Variants in SRRM4 observed in about 807,000 individuals in gnomAD.
The protein encoded by SRRM4 is serine/arginine repetitive matrix protein 4.
A neutral mutation model predicts 68.9 loss-of-function variants in SRRM4; 33 were observed. The ratio of observed to expected loss-of-function variants is 0.48; its 90% CI spans 0.36 to 0.64. The LOEUF is 0.64. Ranked by LOEUF, SRRM4 falls within the 30% of genes least tolerant of loss-of-function variation. The pLI, the probability that SRRM4 is intolerant of heterozygous loss-of-function variation, is 0.00. For synonymous variants in SRRM4, 318 were observed against 318.8 expected, an observed-to-expected ratio of 1.00 and a Z score of 0.03; for missense variants, 817 against 827.1, an observed-to-expected ratio of 0.99 and a Z score of 0.15.
At chr12:119,025,183 T>A (rs1040739001) in intron 1 of SRRM4, among the ~76,000 whole-genome samples, 13 of 151,730 alleles carry the variant, frequency 8.6e-5, no homozygotes, top group Non-Finnish European at 7.4e-5. Context: ...AGAAAGAACA[T>A]TTACATTGAG....
At chr12:119,046,440 T>A (rs1953707722) in intron 1 of SRRM4, among the ~76,000 whole-genome samples, 1 of 152,180 alleles carries the variant, frequency 6.6e-6, no homozygotes, top group Admixed American at 6.5e-5. Context: ...TTTTGGGTTG[T>A]TAGTGGGCCC....
At chr12:119,133,596 G>T (rs11064677) in intron 8 of SRRM4, among the ~76,000 whole-genome samples, 1 of 151,884 alleles carries the variant, frequency 6.6e-6, no homozygotes, top group South Asian at 2.1e-4. Context: ...GCCCTTTCTC[G>T]TCTTCTCTAT....
intron 6 of SRRM4, among the ~76,000 whole-genome samples, chr12:119,123,324 C>T (rs986219574): frequency 1.1e-4 from 16 of 152,102 alleles, no homozygotes; most frequent in African/African-American, 3.9e-4. Context: ...TCCTCATCAT[C>T]GAATTTGTTC....
chr12:119,070,866 G>T (rs190331284), intron 1 of SRRM4, among the ~76,000 whole-genome samples: 1 of 152,260 alleles, frequency 6.6e-6, no homozygotes, highest in East Asian at 1.9e-4. Context: ...AGGGTCCTAG[G>T]ACTTGTCCTC....
chr12:118,990,960 A>G (rs1269297714), intron 1 of SRRM4, among the ~76,000 whole-genome samples: 2 of 151,894 alleles, frequency 1.3e-5, no homozygotes, highest in African/African-American at 4.8e-5. Flanking sequence ...CCCACCCCGC[A>G]CCCAGCTAAT....
Position 119,161,939 on chromosome 12 carries a change from G to T in SRRM4, c.*5141G>T, listed in dbSNP as rs2136073952. 6.6e-6 allele frequency: 1 copy of T among 151,118 alleles called. No individual in the cohort carries two copies. Among genetic ancestry groups the T allele is most frequent in the Non-Finnish European group, 1.5e-5 (1 of 67,840 alleles). The allele number at this position is 151,118 out of a possible 1,614,324, so 9.4% of individuals were successfully genotyped here. A position where few individuals can be genotyped will look rare whatever the true frequency, so the allele number is the denominator to read the frequency against. On this transcript the variant is annotated 3_prime_UTR_variant, in exon 13 of 13. Coordinates refer to ENST00000267260, the MANE Select transcript of SRRM4 (RefSeq NM_194286.4). ...TCTTTTTTTTTTCTGGCCAAGGAAA[G>T]CTATGCCTCATCTTCTAACGAGCCA...
In SRRM4 at chr12:119,023,372, A is replaced by T. The variant is rs528558183; in HGVS notation, c.131+41359A>T. Among the ~76,000 whole-genome samples, 11 of 152,322 alleles carry T rather than the reference A, an allele frequency of 7.2e-5. No individual in the cohort carries two copies. The South Asian group carries it at 1.0e-3, about 14-fold the overall frequency. On this transcript the variant is annotated intron_variant, in intron 1 of 12. Transcript: ENST00000267260. ...CTGAGAGGGACAGTTAGTTCTGTTT[A>T]TCCTTTCTTCCTCCTCGACCTAGTT... is the stretch of plus-strand genomic sequence containing the variant.
At chr12:119,128,098 A>G (rs760952730) in intron 7 of SRRM4, among the ~76,000 whole-genome samples, 28 of 152,160 alleles carry the variant, frequency 1.8e-4, no homozygotes, top group African/African-American at 6.8e-4. Flanking sequence ...GGTACCTACT[A>G]TCACAATTAG....
chr12:119,153,750 C>T lies in SRRM4; in HGVS notation c.1391+101C>T, dbSNP rs190155542. 1.8e-3 allele frequency: 1,519 copies of T among 839,556 alleles called. 16 individuals are homozygous for T. Among genetic ancestry groups the T allele is most frequent in the Admixed American group, 0.017 (794 of 46,702 alleles). The allele number at this position is 839,556 out of a possible 1,614,324, so 52.0% of individuals were successfully genotyped here. ...CTCCCCGTTCTCGGGCCTTCTTCCT[C>T]TTAGGTCTGACCCTGACTCAGCATT... On this transcript the variant is annotated intron_variant, in intron 11 of 12. Transcript: ENST00000267260.
At chr12:119,026,499 C>A (rs1227563459) in intron 1 of SRRM4, among the ~76,000 whole-genome samples, 1 of 151,882 alleles carries the variant, frequency 6.6e-6, no homozygotes, top group African/African-American at 2.4e-5. Flanking sequence ...CATTTTATCA[C>A]CACAAATATC....
At chr12:119,151,924 G>A (rs1565920290) in intron 10 of SRRM4, among the ~76,000 whole-genome samples, 1 of 152,266 alleles carries the variant, frequency 6.6e-6, no homozygotes, top group East Asian at 1.9e-4. Flanking sequence ...CAGATTCAAG[G>A]GTATTCCTCT....
chr12:119,147,439 T>C (rs1954411085), intron 9 of SRRM4, among the ~76,000 whole-genome samples: 1 of 152,204 alleles, frequency 6.6e-6, no homozygotes, highest in Non-Finnish European at 1.5e-5. Flanking sequence ...ACCAAGAGGG[T>C]ACTCTGATGT....
intron 3 of SRRM4, among the ~76,000 whole-genome samples, chr12:119,115,191 C>T (rs1018587797): frequency 6.6e-6 from 1 of 152,058 alleles, no homozygotes; most frequent in Non-Finnish European, 1.5e-5. Flanking sequence ...CTACGACGCC[C>T]ACCTAACTAG....
At position 119,151,034 on chromosome 12, in the gene SRRM4, G is replaced by A. The variant is rs1382196674; in HGVS notation, c.1094G>A (p.Cys365Tyr). 1.9e-6 allele frequency: 3 copies of A among 1,613,852 alleles called. No homozygotes were observed. Among genetic ancestry groups the A allele is most frequent in the African/African-American group, 2.7e-5 (2 of 74,918 alleles). ...GRESRGFQSP[C>Y]LECAEVKKSS... Reference sequence around the variant, plus strand: ...ACCTGCAGGGGATTTCAGTCACCGTGTCTGGAATGTGCCGAAGTGAAGAAG... The same window carrying A: ...ACCTGCAGGGGATTTCAGTCACCGTATCTGGAATGTGCCGAAGTGAAGAAG... Residue 365 changes from cysteine to tyrosine, a missense_variant, in exon 10 of 13, where the codon TGT becomes TAT. By Grantham distance (194) the Cys-to-Tyr change is radical. Coordinates refer to ENST00000267260, the MANE Select transcript of SRRM4 (RefSeq NM_194286.4).
intron 1 of SRRM4, among the ~76,000 whole-genome samples, chr12:119,075,134 A>G (rs1297627097): frequency 6.6e-6 from 1 of 152,202 alleles, no homozygotes; most frequent in Non-Finnish European, 1.5e-5. Context: ...ACCATCCCTA[A>G]GCTCCAATTG....
At position 119,157,087 on chromosome 12, in the gene SRRM4, G is replaced by T. The variant is rs1954479048; in HGVS notation, c.*289G>T. ...AAAGAAAAGAAAACTTCAAGGTTTT[G>T]TGAGAAGCAATGGGTCTGTGACTCA... is the stretch of plus-strand genomic sequence containing the variant. On this transcript the variant is annotated 3_prime_UTR_variant, in exon 13 of 13. Transcript: ENST00000267260. The surrounding 1 kb of genome is among the most constrained non-coding windows in gnomAD (Gnocchi z 4.1). The T allele has an allele frequency of 2.4e-6, 1 of 419,328 alleles. No homozygotes were observed. Among genetic ancestry groups the T allele is most frequent in the Non-Finnish European group, 4.2e-6 (1 of 239,584 alleles). The allele number at this position is 419,328 out of a possible 1,614,324, so 26.0% of individuals were successfully genotyped here.
intron 10 of SRRM4, among the ~76,000 whole-genome samples, chr12:119,152,866 A>T (rs1954448299): frequency 6.6e-6 from 1 of 152,260 alleles, no homozygotes; most frequent in Non-Finnish European, 1.5e-5. Context: ...TTAGTCATGT[A>T]GATGCACAAC....
intron 2 of SRRM4, among the ~76,000 whole-genome samples, chr12:119,110,206 C>T (rs1954133735): frequency 6.6e-6 from 1 of 152,256 alleles, no homozygotes; most frequent in Middle Eastern, 3.4e-3. Context: ...CAGAGGGGCA[C>T]CTGGCCATAT....
chr12:119,085,950 C>T (rs1191286301), intron 1 of SRRM4, among the ~76,000 whole-genome samples: 3 of 152,064 alleles, frequency 2.0e-5, no homozygotes, highest in Non-Finnish European at 2.9e-5. Flanking sequence ...AACACGTTGA[C>T]GTTTGGTCAC....
Sources: gnomAD v4.1 joint callset for allele counts (sites outside exome capture counted in the v4.1 genomes callset) on GRCh38, gnomAD v4.1.1 for gene constraint, Gnocchi (gnomAD v3.1) non-coding constraint, MANE v1.5 for transcripts, NCBI Gene and HGNC (gene_info 2026-07-23, HGNC 2026-07-21) for gene names.